GPC6: variants seen among roughly 807,000 people sequenced by gnomAD.
The protein encoded by GPC6 is glypican-6.
In GPC6, 14 loss-of-function variants were observed where a neutral mutation model predicts 55.2. The observed-to-expected ratio is 0.25, with a 90% confidence interval of 0.17 to 0.40. The LOEUF is 0.40. Ranked by LOEUF, GPC6 falls within the 10% of genes least tolerant of loss-of-function variation. The pLI, the probability that GPC6 is intolerant of heterozygous loss-of-function variation, is 1.00. For missense variants in GPC6, 641 were observed against 708.5 expected (o/e 0.90, Z 1.08); for synonymous variants, 278 against 259.6 (o/e 1.07, Z -0.68).
intron 3 of GPC6, among the ~76,000 whole-genome samples, chr13:93,919,135 G>T (rs1209884021): frequency 6.6e-6 from 1 of 152,102 alleles, no homozygotes; most frequent in Non-Finnish European, 1.5e-5. Flanking sequence ...TCTTGCCCCT[G>T]CTCTTGCCTT....
chr13:93,433,036 TC>T (rs1877427568), intron 1 of GPC6, among the ~76,000 whole-genome samples: 1 of 152,104 alleles, frequency 6.6e-6, no homozygotes, highest in African/African-American at 2.4e-5. Flanking sequence ...GTTCTTTTTT[TC>T]ACTTAGAAAA....
At chr13:93,436,915 T>C (rs1381375432) in intron 1 of GPC6, among the ~76,000 whole-genome samples, 3 of 152,116 alleles carry the variant, frequency 2.0e-5, no homozygotes, top group African/African-American at 7.2e-5. Context: ...AAATTGAAGG[T>C]TTGTGGTAAC....
chr13:94,254,736 C>A (rs1566598774), intron 4 of GPC6, among the ~76,000 whole-genome samples: 1 of 151,740 alleles, frequency 6.6e-6, no homozygotes. Flanking sequence ...CCAGAAAGTA[C>A]AAAATTCTTA....
intron 3 of GPC6, among the ~76,000 whole-genome samples, chr13:94,025,914 A>G (rs1464587547): frequency 6.6e-6 from 1 of 152,156 alleles, no homozygotes; most frequent in Non-Finnish European, 1.5e-5. Context: ...TGAAAAGGAT[A>G]TTACTCTGGG....
chr13:93,406,406 G>C (rs1374234652), intron 1 of GPC6, among the ~76,000 whole-genome samples: 1 of 152,084 alleles, frequency 6.6e-6, no homozygotes, highest in Non-Finnish European at 1.5e-5. Context: ...GAAAATTCAG[G>C]ATTTCTGGCT....
intron 2 of GPC6, among the ~76,000 whole-genome samples, chr13:93,594,126 C>A (rs938818641): frequency 6.6e-6 from 1 of 151,440 alleles, no homozygotes; most frequent in African/African-American, 2.4e-5. Flanking sequence ...AAGCAGGATA[C>A]TTTTTTCTAT....
intron 4 of GPC6, among the ~76,000 whole-genome samples, chr13:94,162,775 T>C (rs1264163457): frequency 6.6e-6 from 1 of 152,194 alleles, no homozygotes; most frequent in Non-Finnish European, 1.5e-5. Flanking sequence ...AGCTGGACAT[T>C]GAGCATATAT....
rs10642875 is a variant in GPC6 at position 93,928,856 on chromosome 13, T to TACACACACACAC, written c.711+98337_711+98348dup. ...GGCTTTCTGTTTGATCCCTGTGTGT[T>TACACACACACAC]ACACACACACACACACACACACACA... is the stretch of plus-strand genomic sequence containing the variant. On this transcript the variant is annotated intron_variant, in intron 3 of 8. Transcript: ENST00000377047. 1.5e-3 allele frequency among the ~76,000 whole-genome samples: 218 copies of TACACACACACAC among 142,996 alleles called. 3 individuals are homozygous for TACACACACACAC. The highest frequency in any genetic ancestry group is 3.1e-3 in the African/African-American group (118 of 38,216). The allele number at this position is 142,996 out of a possible 152,430, so 93.8% of individuals were successfully genotyped here. A position where few individuals can be genotyped will look rare whatever the true frequency, so the allele number is the denominator to read the frequency against.
intron 1 of GPC6, among the ~76,000 whole-genome samples, chr13:93,233,506 G>A (rs1455604534): frequency 6.6e-6 from 1 of 152,128 alleles, no homozygotes; most frequent in Non-Finnish European, 1.5e-5. Context: ...GGTTCTGGGG[G>A]TAGAACCCCA....
chr13:93,385,461 G>GA (rs906481375), intron 1 of GPC6, among the ~76,000 whole-genome samples: 101 of 152,202 alleles, frequency 6.6e-4, no homozygotes, highest in African/African-American at 2.2e-3. Context: ...AACAGCTGCA[G>GA]AAAAAATGGT....
chr13:93,726,103 TAC>T (rs71811304), intron 2 of GPC6, among the ~76,000 whole-genome samples: 31,730 of 126,262 alleles, frequency 0.25, 3,681 homozygotes, highest in Admixed American at 0.28. Context: ...TTTTCCTTCA[TAC>T]ACACACACAC....
intron 4 of GPC6, among the ~76,000 whole-genome samples, chr13:94,112,799 T>C (rs1566422131): frequency 6.6e-6 from 1 of 152,178 alleles, no homozygotes; most frequent in Admixed American, 6.5e-5. Context: ...TATTTTTGTC[T>C]GTAGATACAG....
intron 7 of GPC6, among the ~76,000 whole-genome samples, chr13:94,394,441 G>A (rs1393265689): frequency 6.6e-6 from 1 of 152,200 alleles, no homozygotes; most frequent in Non-Finnish European, 1.5e-5. Flanking sequence ...ATATGATGGT[G>A]CAAAAACAGG....
At chr13:94,306,224 A>C (rs761635773) in intron 6 of GPC6, 101 bp downstream of exon 6, 12 of 1,182,256 alleles carry the variant, frequency 1.0e-5, no homozygotes, top group Non-Finnish European at 1.5e-5. Flanking sequence ...TATAAGAGTC[A>C]TCTCATGCTT....
chr13:93,296,883 A>G (rs898684284), intron 1 of GPC6, among the ~76,000 whole-genome samples: 1 of 152,174 alleles, frequency 6.6e-6, no homozygotes, highest in African/African-American at 2.4e-5. Flanking sequence ...GTAGCCATCC[A>G]AAGTTATGAG....
chr13:93,612,423 C>T (rs1468404843), intron 2 of GPC6, among the ~76,000 whole-genome samples: 2 of 151,680 alleles, frequency 1.3e-5, no homozygotes, highest in African/African-American at 2.4e-5. Context: ...GGCGTGAACC[C>T]GGGAGGCGGA....
At chr13:93,753,028 T>C (rs1884650564) in intron 2 of GPC6, among the ~76,000 whole-genome samples, 1 of 152,204 alleles carries the variant, frequency 6.6e-6, no homozygotes, top group African/African-American at 2.4e-5. Context: ...GCTTCCTTAG[T>C]TTTAAGCTAC....
intron 6 of GPC6, among the ~76,000 whole-genome samples, chr13:94,328,447 G>C (rs982123906): frequency 6.6e-5 from 10 of 152,164 alleles, no homozygotes; most frequent in Non-Finnish European, 1.5e-4. Flanking sequence ...GTGGAGAGAG[G>C]GAAAAGCCAC....
At chr13:94,053,218 G>A (rs887686327) in intron 4 of GPC6, among the ~76,000 whole-genome samples, 2 of 152,110 alleles carry the variant, frequency 1.3e-5, no homozygotes, top group Non-Finnish European at 2.9e-5. Context: ...CGGGGGATAC[G>A]TGATGAAAGT....
Sources: allele counts gnomAD v4.1 joint callset (sites outside exome capture counted in the v4.1 genomes callset), GRCh38; gene constraint gnomAD v4.1.1; transcripts MANE v1.5; gene names NCBI Gene and HGNC (gene_info 2026-07-23, HGNC 2026-07-21).